The following GRID1 variants were observed in gnomAD, a reference collection of about 807,000 sequenced individuals.
GRID1 encodes the protein glutamate ionotropic receptor delta type subunit 1, also known as glutamate receptor ionotropic, delta-1.
In GRID1, 28 loss-of-function variants were observed where a neutral mutation model predicts 98.0. That is an observed-to-expected ratio of 0.29 (90% CI 0.21 to 0.39). The LOEUF (loss-of-function observed/expected upper bound fraction) is 0.39. Ranked by LOEUF, GRID1 falls within the 10% of genes least tolerant of loss-of-function variation. The probability of loss-of-function intolerance (pLI) is 1.00; values close to 1 mark genes in which losing one functional copy is unlikely to be tolerated. For synonymous variants in GRID1, 553 were observed against 538.5 expected (o/e 1.03, Z -0.37); for missense variants, 1,111 against 1,340.5 (o/e 0.83, Z 2.67).
chr10:86,251,979 TATG>T (rs1333565173), intron 2 of GRID1, among the ~76,000 whole-genome samples: 1 of 152,168 alleles, frequency 6.6e-6, no homozygotes, highest in Non-Finnish European at 1.5e-5. Flanking sequence ...CATCTTGGGC[TATG>T]GTTAGATGTC....
At chr10:85,609,111 C>T (rs1387412848) in intron 15 of GRID1, among the ~76,000 whole-genome samples, 1 of 152,182 alleles carries the variant, frequency 6.6e-6, no homozygotes, top group African/African-American at 2.4e-5. Flanking sequence ...GTGCCCTGGC[C>T]TTTTGACAAG....
chr10:86,264,282 T>A (rs184816794), intron 2 of GRID1, among the ~76,000 whole-genome samples: 43 of 152,294 alleles, frequency 2.8e-4, no homozygotes, highest in African/African-American at 1.0e-3. Flanking sequence ...CTTCATTTGT[T>A]CTTTCCTATC....
intron 4 of GRID1, among the ~76,000 whole-genome samples, chr10:86,117,369 C>A (rs1298401030): frequency 1.3e-5 from 2 of 151,562 alleles, no homozygotes; most frequent in Admixed American, 6.6e-5. Context: ...ACCACAATCA[C>A]CAACACCATC....
intron 5 of GRID1, among the ~76,000 whole-genome samples, chr10:85,894,076 T>G (rs896763248): frequency 3.9e-5 from 6 of 152,142 alleles, no homozygotes; most frequent in Non-Finnish European, 8.8e-5. Flanking sequence ...AATGCTACAG[T>G]TATTGAGATA....
At chr10:85,824,323 T>C (rs1842799676) in intron 8 of GRID1, among the ~76,000 whole-genome samples, 2 of 152,144 alleles carry the variant, frequency 1.3e-5, no homozygotes, top group South Asian at 2.1e-4. Context: ...GTGATTCTCT[T>C]GCCTCAGCTT....
chr10:86,094,209 A>G (rs1844188742), intron 4 of GRID1, among the ~76,000 whole-genome samples: 1 of 152,248 alleles, frequency 6.6e-6, no homozygotes, highest in East Asian at 1.9e-4. Flanking sequence ...ATGTAATAAA[A>G]GCCATCTATG....
chr10:85,637,982 G>A (rs1843069821), intron 13 of GRID1, among the ~76,000 whole-genome samples: 2 of 152,270 alleles, frequency 1.3e-5, no homozygotes, highest in South Asian at 2.1e-4. Flanking sequence ...AAAATTCACA[G>A]GGTGGGGTTA....
intron 2 of GRID1, among the ~76,000 whole-genome samples, chr10:86,304,326 G>A (rs1847730416): frequency 6.6e-6 from 1 of 152,138 alleles, no homozygotes; most frequent in Non-Finnish European, 1.5e-5. Context: ...CTGGCAGAGG[G>A]GACTCCTCCT....
At chr10:85,751,620 T>A (rs568304200) in intron 8 of GRID1, among the ~76,000 whole-genome samples, 9 of 152,036 alleles carry the variant, frequency 5.9e-5, no homozygotes, top group African/African-American at 1.9e-4. Flanking sequence ...AGGTAAAAGG[T>A]GGGGAATGAA....
intron 4 of GRID1, among the ~76,000 whole-genome samples, chr10:85,965,774 TTAAAA>T (rs944166976): frequency 3.4e-5 from 5 of 149,152 alleles, no homozygotes; most frequent in East Asian, 2.0e-4. Context: ...ACCCCAGAAC[TTAAAA>T]TATAATAAAA....
intron 12 of GRID1, among the ~76,000 whole-genome samples, chr10:85,682,607 C>T (rs1841223257): frequency 6.6e-6 from 1 of 152,230 alleles, no homozygotes; most frequent in African/African-American, 2.4e-5. Context: ...ACTCTCTCCA[C>T]CTCCCTATAA....
intron 8 of GRID1, among the ~76,000 whole-genome samples, chr10:85,851,904 T>C (rs770188285): frequency 6.6e-6 from 1 of 152,028 alleles, no homozygotes; most frequent in East Asian, 1.9e-4. Context: ...TTTTCTCCCT[T>C]ATGTGAATGT....
chr10:85,888,998 C>T (rs1339644385), intron 5 of GRID1, among the ~76,000 whole-genome samples: 2 of 152,194 alleles, frequency 1.3e-5, no homozygotes, highest in Non-Finnish European at 2.9e-5. Context: ...CTTACTCTGA[C>T]TTTTTCAGAT....
At chr10:86,135,279 C>T (rs1844906158) in intron 4 of GRID1, among the ~76,000 whole-genome samples, 1 of 152,204 alleles carries the variant, frequency 6.6e-6, no homozygotes, top group Admixed American at 6.5e-5. Context: ...CCAATCCACT[C>T]CCCAGTTAGG....
chr10:85,638,486 A>G (rs544856679), intron 13 of GRID1, among the ~76,000 whole-genome samples: 3 of 152,312 alleles, frequency 2.0e-5, no homozygotes, highest in African/African-American at 7.2e-5. Context: ...TTTTATTGGC[A>G]TAAGAATAGT....
intron 6 of GRID1, among the ~76,000 whole-genome samples, chr10:85,859,785 C>G (rs1843147824): frequency 6.6e-6 from 1 of 152,298 alleles, no homozygotes; most frequent in African/African-American, 2.4e-5. Context: ...CTGAGACGAC[C>G]TACTTTGTGC....
chr10:85,906,727 T>C (rs1207827927), intron 5 of GRID1, among the ~76,000 whole-genome samples: 2 of 152,126 alleles, frequency 1.3e-5, no homozygotes, highest in Admixed American at 1.3e-4. Context: ...TCAAGATTTG[T>C]GGGATGTCAC....
chr10:85,761,394 TCAC>T (rs1380043752), intron 8 of GRID1, among the ~76,000 whole-genome samples: 1 of 152,326 alleles, frequency 6.6e-6, no homozygotes, highest in East Asian at 1.9e-4. Flanking sequence ...CAGTTTCTGA[TCAC>T]CCATTCAAAC....
intron 2 of GRID1, among the ~76,000 whole-genome samples, chr10:86,292,747 CG>C (rs1554870626): frequency 2.0e-5 from 3 of 150,858 alleles, no homozygotes; most frequent in Non-Finnish European, 1.5e-5. Flanking sequence ...GTGTGAGTGT[CG>C]GGAGTGGGTG....
Sources: gnomAD v4.1 joint callset for allele counts (sites outside exome capture counted in the v4.1 genomes callset) on GRCh38, gnomAD v4.1.1 for gene constraint, MANE v1.5 for transcripts, NCBI Gene and HGNC (gene_info 2026-07-23, HGNC 2026-07-21) for gene names.